Variants in OR52K1 observed in about 807,000 individuals in gnomAD.
OR52K1 encodes the protein olfactory receptor 52K1.
OR52K1 carries 10 observed loss-of-function variants against 8.7 expected under a neutral mutation model. The ratio of observed to expected loss-of-function variants is 1.15; its 90% CI spans 0.71 to 1.95. The LOEUF (loss-of-function observed/expected upper bound fraction) is 1.95. Among genes scored for constraint, OR52K1 ranks in the 30% most tolerant of loss-of-function variants. OR52K1 has a pLI of 0.00. For missense variants in OR52K1, 431 were observed against 397.2 expected (o/e 1.08, Z -0.72); for synonymous variants, 203 against 148.5 (o/e 1.37, Z -2.67).
chr11:4,486,738 G>A (rs1202547177), intron 1 of OR52K1, among the ~76,000 whole-genome samples: 1 of 152,078 alleles, frequency 6.6e-6, no homozygotes, highest in Non-Finnish European at 1.5e-5. Flanking sequence ...GGATCCATCT[G>A]TTTTGTTCAT....
In OR52K1 at chr11:4,490,079, A is replaced by G. The variant is rs76874599; in HGVS notation, c.*234A>G. 6.3e-4 allele frequency: 310 copies of G among 488,990 alleles called. No homozygotes were observed. In the East Asian group the frequency reaches 7.3e-3, roughly 11 times the overall value. 30.3% of individuals were successfully genotyped at this position (488,990 alleles called of 1,614,324 possible). ...CTTCCCATTGTCATAGACTCATCAC[A>G]TGGCTAAGGAAGACAAACCTCTCAA... On this transcript the variant is annotated 3_prime_UTR_variant, in exon 2 of 2. Transcript: ENST00000641528.
At chr11:4,484,079 A>C (rs1846301572) in intron 1 of OR52K1, among the ~76,000 whole-genome samples, 1 of 152,190 alleles carries the variant, frequency 6.6e-6, no homozygotes, top group Admixed American at 6.5e-5. Flanking sequence ...GTATTCTGAG[A>C]AATATGTCTT....
chr11:4,488,062 T>A lies in OR52K1; in HGVS notation c.-328-511T>A, dbSNP rs983636409. Among the ~76,000 whole-genome samples the A allele has an allele frequency of 3.3e-5, 5 of 151,596 alleles. No individual in the cohort carries two copies. The East Asian group carries it at 7.7e-4, about 23-fold the overall frequency. On this transcript the variant is annotated intron_variant, in intron 1 of 1. Coordinates refer to ENST00000641528, the MANE Select transcript of OR52K1 (RefSeq NM_001005171.3). ...AACTGGAAGACAGGTGGAGGGAGAG[T>A]CACATGCACAGGGAGTTTAACATGA...
chr11:4,491,356 A>G lies in OR52K1; in HGVS notation c.*1511A>G, dbSNP rs1238019062. On this transcript the variant is annotated 3_prime_UTR_variant, in exon 2 of 2. Transcript: ENST00000641528. ...GGTAGGAGTGTAAATTATTTCACCC[A>G]TTATGGAAAGCAGTAGGTGATTCCT... 2 of 152,242 alleles carry G rather than the reference A, an allele frequency of 1.3e-5. No homozygotes were observed. The highest frequency in any genetic ancestry group is 2.9e-5 in the Non-Finnish European group (2 of 68,048). The allele number at this position is 152,242 out of a possible 1,614,324, so 9.4% of individuals were successfully genotyped here.
chr11:4,488,775 T>C lies in OR52K1; in HGVS notation c.-126T>C. On this transcript the variant is annotated 5_prime_UTR_variant, in exon 2 of 2. It removes an upstream start codon present in the reference 5' UTR. Transcript: ENST00000641528. ...GGTTATTTTGTTTAAAGTCTAGCAA[T>C]GGAAACAAGAGGTAATCTTTGCAGG... is the stretch of plus-strand genomic sequence containing the variant. 1 of 690,322 alleles carries C rather than the reference T, an allele frequency of 1.4e-6. No homozygotes were observed. The highest frequency in any genetic ancestry group is 1.9e-5 in the South Asian group (1 of 53,588). 42.8% of individuals were successfully genotyped at this position (690,322 alleles called of 1,614,324 possible).
In OR52K1 at chr11:4,488,743, G is replaced by A. The variant is rs546950275; in HGVS notation, c.-158G>A. Reference sequence around the variant, plus strand: ...ATTATACTTCTCCATGTCTATGAAGGCTGCTAGGTTATTTTGTTTAAAGTC... The same window carrying A: ...ATTATACTTCTCCATGTCTATGAAGACTGCTAGGTTATTTTGTTTAAAGTC... On this transcript the variant is annotated 5_prime_UTR_variant, in exon 2 of 2. Coordinates refer to ENST00000641528, the MANE Select transcript of OR52K1 (RefSeq NM_001005171.3). 3.3e-6 allele frequency: 2 copies of A among 611,718 alleles called. No individual in the cohort carries two copies. The highest frequency in any genetic ancestry group is 4.1e-5 in the South Asian group (2 of 48,278). 37.9% of individuals were successfully genotyped at this position (611,718 alleles called of 1,614,324 possible).
chr11:4,484,825 AACACACAGACACACACACAC>A (rs1846307538), intron 1 of OR52K1, among the ~76,000 whole-genome samples: 1 of 131,766 alleles, frequency 7.6e-6, no homozygotes, highest in South Asian at 2.4e-4. Flanking sequence ...TCTGTTCTAA[AACACACAGACACACACACAC>A]ACACACACAC....
At chr11:4,483,728 A>G (rs1312747008) in intron 1 of OR52K1, among the ~76,000 whole-genome samples, 1 of 150,156 alleles carries the variant, frequency 6.7e-6, no homozygotes, top group Admixed American at 6.7e-5. Flanking sequence ...AAAGTAAAAC[A>G]TGTGGGTTTT....
Position 4,488,834 on chromosome 11 carries a change from A to G in OR52K1, c.-67A>G, listed in dbSNP as rs1846341042. 1.8e-6 allele frequency: 2 copies of G among 1,089,690 alleles called. No homozygotes were observed. The highest frequency in any genetic ancestry group is 2.7e-6 in the Non-Finnish European group (2 of 730,976). The allele number at this position is 1,089,690 out of a possible 1,614,324, so 67.5% of individuals were successfully genotyped here. A position where few individuals can be genotyped will look rare whatever the true frequency, so the allele number is the denominator to read the frequency against. ...CACAGGTTGAACTCTAATCATATAT[A>G]CTGTAGAAGGTATATATAGAAGGTG... On this transcript the variant is annotated 5_prime_UTR_variant, in exon 2 of 2. The change creates a new upstream start codon in the 5' untranslated region. Coordinates refer to ENST00000641528, the MANE Select transcript of OR52K1 (RefSeq NM_001005171.3).
intron 1 of OR52K1, among the ~76,000 whole-genome samples, chr11:4,486,197 T>A (rs1846319603): frequency 6.6e-6 from 1 of 152,242 alleles, no homozygotes; most frequent in South Asian, 2.1e-4. Flanking sequence ...CATTGTGTTA[T>A]TCTGGTACAT....
rs1387244238 is a variant in OR52K1 at position 4,488,957 on chromosome 11, T to A, written c.57T>A (p.Ile19=). The change falls in exon 2 of 2, where the codon ATT becomes ATA. Residue 19 remains isoleucine, a synonymous_variant. Transcript: ENST00000641528. ...CAGCTGTCTTTTTGTTGGTAGGAATTCCTGGTTTGGAACACCTGCATGCCT... is the reference window on the plus strand; with the variant it reads ...CAGCTGTCTTTTTGTTGGTAGGAATACCTGGTTTGGAACACCTGCATGCCT... The part of the protein sequence containing the change: ...THPAVFLLVG[I]PGLEHLHAWI... 4 of 1,614,028 alleles carry A rather than the reference T, an allele frequency of 2.5e-6. No homozygotes were observed. The highest frequency in any genetic ancestry group is 1.7e-6 in the Non-Finnish European group (2 of 1,180,026).
In OR52K1 at chr11:4,488,624, T is replaced by C. The variant is rs1178001228; in HGVS notation, c.-277T>C. The C allele has an allele frequency of 4.9e-6, 2 of 405,098 alleles. No homozygotes were observed. Among genetic ancestry groups the C allele is most frequent in the East Asian group, 9.5e-5 (2 of 20,962 alleles). The allele number at this position is 405,098 out of a possible 1,614,324, so 25.1% of individuals were successfully genotyped here. ...GAAAACACTACATATACTCCATTCC[T>C]TTATGAAAGTTGTCTTAGAATATTA... On this transcript the variant is annotated 5_prime_UTR_variant, in exon 2 of 2. Coordinates refer to ENST00000641528, the MANE Select transcript of OR52K1 (RefSeq NM_001005171.3).
At position 4,493,443 on chromosome 11, in the gene OR52K1, C is replaced by A. The variant is rs1460100913; in HGVS notation, c.*3598C>A. On this transcript the variant is annotated 3_prime_UTR_variant, in exon 2 of 2. Coordinates refer to ENST00000641528, the MANE Select transcript of OR52K1 (RefSeq NM_001005171.3). The stretch of plus-strand genomic sequence containing the variant: ...GCTAGACCAAGGAGCCCTCTAGTGG[C>A]CCTGTCCGGGCGTGACAGAGGCTCA... The A allele has an allele frequency of 6.6e-6, 1 of 152,478 alleles. No individual in the cohort carries two copies. The highest frequency in any genetic ancestry group is 2.4e-5 in the African/African-American group (1 of 41,462). The allele number at this position is 152,478 out of a possible 1,614,324, so 9.4% of individuals were successfully genotyped here.
rs978919396 is a variant in OR52K1 at position 4,489,324 on chromosome 11, C to T, written c.424C>T (p.Leu142Phe). ...LHYTTVLTGSLITKIGMAAVA... is the reference protein window; with the variant it reads ...LHYTTVLTGSFITKIGMAAVA... ...CTACACGACGGTCCTGACTGGGTCC[C>T]TCATCACCAAGATTGGCATGGCTGC... The change falls in exon 2 of 2, where the codon CTC (leucine) becomes TTC (phenylalanine). Residue 142 changes from leucine (L) to phenylalanine (F), a missense_variant. Physicochemically the swap from Leu to Phe is conservative, Grantham distance 22. Transcript: ENST00000641528. 1.2e-6 allele frequency: 2 copies of T among 1,614,214 alleles called. No homozygotes were observed. The highest frequency in any genetic ancestry group is 1.7e-6 in the Non-Finnish European group (2 of 1,180,044).
At chr11:4,488,080 T>G (rs1262847588) in intron 1 of OR52K1, among the ~76,000 whole-genome samples, 3 of 152,190 alleles carry the variant, frequency 2.0e-5, no homozygotes, top group Non-Finnish European at 4.4e-5. Context: ...ACAGGGAGTT[T>G]AACATGAGTT....
chr11:4,489,010 A>G lies in OR52K1; in HGVS notation c.110A>G (p.Tyr37Cys), dbSNP rs1319790498. ...ATCTCCATCCCCTTCTGCTTTGCTT[A>G]TACTCTGGCCCTGCTAGGCAACTGT... ...AWISIPFCFA[Y>C]TLALLGNCTL... The change falls in exon 2 of 2, where the codon TAT becomes TGT. Residue 37 changes from tyrosine (Y) to cysteine (C), a missense_variant. By Grantham distance (194) the Tyr-to-Cys change is radical. Transcript: ENST00000641528. The G allele has an allele frequency of 6.2e-7, 1 of 1,614,082 alleles. No individual in the cohort carries two copies. Among genetic ancestry groups the G allele is most frequent in the Non-Finnish European group, 8.5e-7 (1 of 1,179,990 alleles).
rs1429995858 is a variant in OR52K1 at position 4,484,825 on chromosome 11, A to AACACACAC, written c.-329+1656_-329+1657insCACACACA. On this transcript the variant is annotated intron_variant, in intron 1 of 1. Transcript: ENST00000641528. ...TAAAGACATGATACTTCTGTTCTAAAACACACAGACACACACACACACACA... is the reference window on the plus strand; with the variant it reads ...TAAAGACATGATACTTCTGTTCTAAAACACACACACACACAGACACACACACACACACA... Among the ~76,000 whole-genome samples the AACACACAC allele has an allele frequency of 7.0e-3, 922 of 131,844 alleles. 10 individuals carry two copies. The highest frequency in any genetic ancestry group is 0.019 in the African/African-American group (687 of 35,516). The allele number at this position is 131,844 out of a possible 152,430, so 86.5% of individuals were successfully genotyped here. A position where few individuals can be genotyped will look rare whatever the true frequency, so the allele number is the denominator to read the frequency against.
chr11:4,488,628 T>G lies in OR52K1; in HGVS notation c.-273T>G, dbSNP rs570398957. ...ACACTACATATACTCCATTCCTTTA[T>G]GAAAGTTGTCTTAGAATATTAAATA... On this transcript the variant is annotated 5_prime_UTR_variant, in exon 2 of 2. An upstream start codon of the reference 5' UTR is lost. Transcript: ENST00000641528. 4.8e-6 allele frequency: 2 copies of G among 414,546 alleles called. No homozygotes were observed. The highest frequency in any genetic ancestry group is 8.6e-6 in the Non-Finnish European group (2 of 232,606). 25.7% of individuals were successfully genotyped at this position (414,546 alleles called of 1,614,324 possible). A position where few individuals can be genotyped will look rare whatever the true frequency, so the allele number is the denominator to read the frequency against.
Position 4,489,937 on chromosome 11 carries a change from G to C in OR52K1, c.*92G>C. The C allele has an allele frequency of 1.1e-6, 1 of 894,658 alleles. No homozygotes were observed. Among genetic ancestry groups the C allele is most frequent in the East Asian group, 2.4e-5 (1 of 41,064 alleles). The allele number at this position is 894,658 out of a possible 1,614,324, so 55.4% of individuals were successfully genotyped here. On this transcript the variant is annotated 3_prime_UTR_variant, in exon 2 of 2. Transcript: ENST00000641528. ...AAAATCTAAATAGGAAAATTGCAGA[G>C]TATCTTTGACAATTCTCTAGTATGA...
Sources: gnomAD v4.1 joint callset for allele counts (sites outside exome capture counted in the v4.1 genomes callset) on GRCh38, gnomAD v4.1.1 for gene constraint, MANE v1.5 for transcripts, NCBI Gene and HGNC (gene_info 2026-07-23, HGNC 2026-07-21) for gene names.